The following ZDHHC3 variants were observed in gnomAD, a reference collection of about 807,000 sequenced individuals.
ZDHHC3 encodes the protein zDHHC palmitoyltransferase 3, also known as palmitoyltransferase ZDHHC3.
In ZDHHC3, 9 loss-of-function variants were observed where a neutral mutation model predicts 30.6. The ratio of observed to expected loss-of-function variants is 0.29; its 90% CI spans 0.18 to 0.51. The LOEUF (loss-of-function observed/expected upper bound fraction) is 0.51. Among genes scored for constraint, ZDHHC3 ranks in the 20% least tolerant of loss-of-function variants. The pLI is 0.97. For synonymous variants in ZDHHC3, 136 were observed against 140.2 expected, an observed-to-expected ratio of 0.97 and a Z score of 0.21; for missense variants, 246 against 384.2, an observed-to-expected ratio of 0.64 and a Z score of 3.01.
chr3:44,932,845 G>A, intron 5 of ZDHHC3: 2 of 1,531,870 alleles, frequency 1.3e-6, no homozygotes, highest in Non-Finnish European at 1.8e-6. Context: ...CTTGCTTGGG[G>A]CCTGCATTCT....
chr3:44,921,500 T>C lies in ZDHHC3; in HGVS notation c.*5189A>G, dbSNP rs559071845. On this transcript the variant is annotated 3_prime_UTR_variant, in exon 7 of 7. Coordinates refer to ENST00000424952, the MANE Select transcript of ZDHHC3 (RefSeq NM_001135179.2). The stretch of plus-strand genomic sequence containing the variant: ...CCTAAGCTTCATAAAACAATACTTA[T>C]CCTGCAATATGTAATGCATTAAACA... 19 of 985,438 alleles carry C rather than the reference T, an allele frequency of 1.9e-5. No individual in the cohort carries two copies. The South Asian group carries it at 6.1e-4, about 32-fold the overall frequency. The allele number at this position is 985,438 out of a possible 1,614,324, so 61.0% of individuals were successfully genotyped here.
chr3:44,939,993 G>A (rs1442151054), intron 3 of ZDHHC3, among the ~76,000 whole-genome samples: 1 of 152,174 alleles, frequency 6.6e-6, no homozygotes, highest in Non-Finnish European at 1.5e-5. Flanking sequence ...TGGAGGCACT[G>A]CTCAGAGGCT....
At chr3:44,952,375 T>C (rs918218656) in intron 2 of ZDHHC3, among the ~76,000 whole-genome samples, 1 of 152,144 alleles carries the variant, frequency 6.6e-6, no homozygotes, top group Non-Finnish European at 1.5e-5. Context: ...TATTAGAGCA[T>C]CTCCCAGGTC....
intron 6 of ZDHHC3, among the ~76,000 whole-genome samples, chr3:44,927,828 A>C (rs1701131165): frequency 6.6e-6 from 1 of 152,234 alleles, no homozygotes; most frequent in African/African-American, 2.4e-5. Context: ...TGTGGTCTCT[A>C]GTAAAGGGGT....
intron 3 of ZDHHC3, among the ~76,000 whole-genome samples, chr3:44,944,252 C>A (rs949634959): frequency 1.3e-5 from 2 of 152,030 alleles, no homozygotes; most frequent in South Asian, 4.1e-4. Context: ...CGGGTTCAAG[C>A]GATTCTGCTT....
Position 44,933,208 on chromosome 3 carries a change from G to A in ZDHHC3, c.529-9C>T. On this transcript the variant is annotated splice_polypyrimidine_tract_variant and intron_variant, in intron 4 of 6. Coordinates refer to ENST00000424952, the MANE Select transcript of ZDHHC3 (RefSeq NM_001135179.2). The stretch of plus-strand genomic sequence containing the variant: ...ATGAGAGCTATGTACATCTGAAACA[G>A]GAAACCAGTGCAGACACCATTGTTG... 1.2e-6 allele frequency: 2 copies of A among 1,613,328 alleles called. No individual in the cohort carries two copies. Among genetic ancestry groups the A allele is most frequent in the Admixed American group, 1.7e-5 (1 of 60,016 alleles).
At chr3:44,960,241 T>C (rs1704353898) in intron 1 of ZDHHC3, among the ~76,000 whole-genome samples, 1 of 152,224 alleles carries the variant, frequency 6.6e-6, no homozygotes, top group Non-Finnish European at 1.5e-5. Context: ...GGGTGCTTCA[T>C]GTGCCATTGT....
chr3:44,938,005 A>G, intron 3 of ZDHHC3: 1 of 406,826 alleles, frequency 2.5e-6, no homozygotes, highest in South Asian at 1.8e-5. Flanking sequence ...TTTTTTGGAG[A>G]CAGAGTCTCG....
At position 44,959,939 on chromosome 3, in the gene ZDHHC3, T is replaced by C. The variant is rs1704327014; in HGVS notation, c.-24-479A>G. 6.6e-6 allele frequency among the ~76,000 whole-genome samples: 1 copy of C among 152,164 alleles called. No individual in the cohort carries two copies. Among genetic ancestry groups the C allele is most frequent in the African/African-American group, 2.4e-5 (1 of 41,428 alleles). ...ACCACACCTGGCTAATTTTTATATT[T>C]TTTTGTAGAGATGGGGTTTTGCCAT... is the stretch of plus-strand genomic sequence containing the variant. On this transcript the variant is annotated intron_variant, in intron 1 of 6. Coordinates refer to ENST00000424952, the MANE Select transcript of ZDHHC3 (RefSeq NM_001135179.2). This position sits in a 1 kb window ranked among gnomAD's most constrained non-coding sequence, Gnocchi z 4.3.
chr3:44,975,772 T>TCACACACA (rs1185484134), intron 1 of ZDHHC3, among the ~76,000 whole-genome samples, 161 bp downstream of exon 1: 20 of 116,768 alleles, frequency 1.7e-4, no homozygotes, highest in African/African-American at 3.3e-4. Flanking sequence ...TCTCTCTCTC[T>TCACACACA]CACACACACA....
intron 1 of ZDHHC3, among the ~76,000 whole-genome samples, chr3:44,968,255 A>G (rs1285085366): frequency 6.6e-6 from 1 of 152,142 alleles, no homozygotes; most frequent in African/African-American, 2.4e-5. Flanking sequence ...TAGCTTTAGC[A>G]TCTTCCTCTC....
intron 2 of ZDHHC3, among the ~76,000 whole-genome samples, chr3:44,947,916 G>A (rs1172779190): frequency 6.6e-6 from 1 of 152,206 alleles, no homozygotes; most frequent in African/African-American, 2.4e-5. Context: ...AGCCAAGGAT[G>A]TGCCATCCTG....
intron 3 of ZDHHC3, among the ~76,000 whole-genome samples, chr3:44,936,107 T>C (rs1415008020): frequency 6.6e-6 from 1 of 152,192 alleles, no homozygotes; most frequent in Non-Finnish European, 1.5e-5. Flanking sequence ...TTGCCAACTA[T>C]GCATCTGACA....
In ZDHHC3 at chr3:44,925,499, GAC is replaced by G. The variant is rs1700908590; in HGVS notation, c.*1188_*1189del. On this transcript the variant is annotated 3_prime_UTR_variant, in exon 7 of 7. Coordinates refer to ENST00000424952, the MANE Select transcript of ZDHHC3 (RefSeq NM_001135179.2). ...ATCACCACCTCCTTCAAACAAGACT[GAC>G]ACAGGAAGTGCCTCTCAAATGGAAA... The G allele has an allele frequency of 1.0e-6, 1 of 985,316 alleles. No individual in the cohort carries two copies. The highest frequency in any genetic ancestry group is 1.7e-5 in the African/African-American group (1 of 57,232). The allele number at this position is 985,316 out of a possible 1,614,324, so 61.0% of individuals were successfully genotyped here. A position where few individuals can be genotyped will look rare whatever the true frequency, so the allele number is the denominator to read the frequency against.
chr3:44,959,063 G>T lies in ZDHHC3; in HGVS notation c.306+68C>A. The T allele has an allele frequency of 1.3e-6, 2 of 1,573,520 alleles. No individual in the cohort carries two copies. Among genetic ancestry groups the T allele is most frequent in the Non-Finnish European group, 1.7e-6 (2 of 1,152,520 alleles). Reference sequence around the variant, plus strand: ...TCCCAAGGTCCAGGGGGAACATGCAGGCTGTGGCCATGCCAGAGCCAGAGG... The same window carrying T: ...TCCCAAGGTCCAGGGGGAACATGCATGCTGTGGCCATGCCAGAGCCAGAGG... On this transcript the variant is annotated intron_variant, in intron 2 of 6. Coordinates refer to ENST00000424952, the MANE Select transcript of ZDHHC3 (RefSeq NM_001135179.2). The surrounding 1 kb of genome is among the most constrained non-coding windows in gnomAD (Gnocchi z 4.3).
chr3:44,932,235 G>A (rs1164007217), intron 5 of ZDHHC3, among the ~76,000 whole-genome samples: 2 of 152,074 alleles, frequency 1.3e-5, no homozygotes, highest in Non-Finnish European at 2.9e-5. Flanking sequence ...AGAATGGCAA[G>A]TTCTGCACAT....
At position 44,917,653 on chromosome 3, in the gene ZDHHC3, T is replaced by A. The variant is rs896611048; in HGVS notation, c.*9036A>T. 12 of 359,402 alleles carry A rather than the reference T, an allele frequency of 3.3e-5. No individual in the cohort carries two copies. Among genetic ancestry groups the A allele is most frequent in the African/African-American group, 2.1e-4 (10 of 46,802 alleles). 22.3% of individuals were successfully genotyped at this position (359,402 alleles called of 1,614,324 possible). A position where few individuals can be genotyped will look rare whatever the true frequency, so the allele number is the denominator to read the frequency against. ...CTTGATGAGCCGTCTCAGTGCAGAC[T>A]CTTCTTAGATGAACTCTGAGAAAGC... is the stretch of plus-strand genomic sequence containing the variant. On this transcript the variant is annotated 3_prime_UTR_variant, in exon 7 of 7. Transcript: ENST00000424952.
At chr3:44,945,077 A>G (rs1310066321) in intron 3 of ZDHHC3, 91 bp downstream of exon 3, 62 of 1,573,296 alleles carry the variant, frequency 3.9e-5, no homozygotes, top group Non-Finnish European at 5.0e-5. Context: ...CTGTTGGGGA[A>G]GTGTGTGCTA....
chr3:44,921,336 G>A lies in ZDHHC3; in HGVS notation c.*5353C>T, dbSNP rs1350709015. 6.1e-6 allele frequency: 6 copies of A among 983,786 alleles called. No homozygotes were observed. Among genetic ancestry groups the A allele is most frequent in the Non-Finnish European group, 7.2e-6 (6 of 829,634 alleles). The allele number at this position is 983,786 out of a possible 1,614,324, so 60.9% of individuals were successfully genotyped here. A position where few individuals can be genotyped will look rare whatever the true frequency, so the allele number is the denominator to read the frequency against. ...ATGTAGAAAGCCAGAGCCTCAGGGA[G>A]CAGCCTATGCAAATGTGTCTCTTCA... On this transcript the variant is annotated 3_prime_UTR_variant, in exon 7 of 7. Coordinates refer to ENST00000424952, the MANE Select transcript of ZDHHC3 (RefSeq NM_001135179.2).
Sources: allele counts gnomAD v4.1 joint callset (sites outside exome capture counted in the v4.1 genomes callset), GRCh38; gene constraint gnomAD v4.1.1; non-coding constraint Gnocchi (gnomAD v3.1); transcripts MANE v1.5; gene names NCBI Gene and HGNC (gene_info 2026-07-23, HGNC 2026-07-21).